ZNF804B: variants seen among roughly 807,000 people sequenced by gnomAD.
ZNF804B encodes zinc finger 804B.
ZNF804B carries 80 observed loss-of-function variants against 101.4 expected under a neutral mutation model. That is an observed-to-expected ratio of 0.79 (90% CI 0.66 to 0.95). The LOEUF (loss-of-function observed/expected upper bound fraction) is 0.95, where lower values mean the gene tolerates loss of function less well. Ranked by LOEUF, ZNF804B falls within the 40% of genes least tolerant of loss-of-function variation. The pLI, the probability that ZNF804B is intolerant of heterozygous loss-of-function variation, is 0.00. For missense variants in ZNF804B, 1,673 were observed against 1,561.9 expected, an observed-to-expected ratio of 1.07 and a Z score of -1.20; for synonymous variants, 622 against 558.8, an observed-to-expected ratio of 1.11 and a Z score of -1.59.
chr7:89,280,236 A>G (rs1461062737), intron 2 of ZNF804B, among the ~76,000 whole-genome samples: 6 of 152,038 alleles, frequency 3.9e-5, no homozygotes, highest in Non-Finnish European at 7.4e-5. Flanking sequence ...ACATACCAGA[A>G]TCTCTGGGAC....
At chr7:89,228,365 C>T (rs528154094) in intron 2 of ZNF804B, among the ~76,000 whole-genome samples, 1 of 152,130 alleles carries the variant, frequency 6.6e-6, no homozygotes, top group Non-Finnish European at 1.5e-5. Context: ...CTGGCCCCAC[C>T]CACATCCTGC....
rs771869522 is a variant in ZNF804B, at chr7:88,760,010, C to T, written c.34C>T (p.Leu12Phe). 1.9e-6 allele frequency: 3 copies of T among 1,614,232 alleles called. No individual in the cohort carries two copies. Among genetic ancestry groups the T allele is most frequent in the South Asian group, 1.1e-5 (1 of 91,082 alleles). Reference sequence around the variant, plus strand: ...TTACCTGGTCATCAGTTCGAGACATCTCAGCAATGGGCACTACCGGGGCAT... The same window carrying T: ...TTACCTGGTCATCAGTTCGAGACATTTCAGCAATGGGCACTACCGGGGCAT... ...ACYLVISSRH[L>F]SNGHYRGIKG... Residue 12 changes from leucine (L) to phenylalanine (F), a missense_variant, in exon 1 of 4, where the codon CTC becomes TTC. Transcript: ENST00000333190.
chr7:89,245,482 CCAGT>C (rs1360295075), intron 2 of ZNF804B, among the ~76,000 whole-genome samples: 2 of 151,762 alleles, frequency 1.3e-5, no homozygotes, highest in Non-Finnish European at 2.9e-5. Context: ...TTTCAAGTGG[CCAGT>C]ATTTGAACAC....
chr7:88,989,017 TTTA>T (rs564613960), intron 1 of ZNF804B, among the ~76,000 whole-genome samples: 8 of 151,420 alleles, frequency 5.3e-5, no homozygotes, highest in Admixed American at 2.6e-4. Context: ...CAGGGTTTTA[TTTA>T]TTATTATTAT....
rs1027361337 is a variant in ZNF804B, at chr7:88,972,557, C to A, written c.108+212473C>A. On this transcript the variant is annotated intron_variant, in intron 1 of 3. Coordinates refer to ENST00000333190, the MANE Select transcript of ZNF804B (RefSeq NM_181646.5). ...TAGGATTGTGATAGAAAAAAAGTCC[C>A]CTGTTAATTATCAGTTTTTCATAAA... Among the ~76,000 whole-genome samples, 5 of 151,088 alleles carry A rather than the reference C, an allele frequency of 3.3e-5. No individual in the cohort carries two copies. In the Admixed American group the frequency reaches 3.3e-4, roughly 10 times the overall value.
intron 1 of ZNF804B, among the ~76,000 whole-genome samples, chr7:88,809,298 G>T (rs1335802311): frequency 6.6e-6 from 1 of 150,780 alleles, no homozygotes; most frequent in African/African-American, 2.4e-5. Context: ...ATCTATTATT[G>T]CTTGTCATCT....
intron 1 of ZNF804B, among the ~76,000 whole-genome samples, chr7:89,011,285 C>A (rs992953495): frequency 6.6e-6 from 1 of 152,112 alleles, no homozygotes; most frequent in African/African-American, 2.4e-5. Flanking sequence ...ACATGGGAAT[C>A]ATTACAATTC....
intron 1 of ZNF804B, among the ~76,000 whole-genome samples, chr7:89,208,843 T>C (rs1193611437): frequency 6.6e-6 from 1 of 151,478 alleles, no homozygotes; most frequent in African/African-American, 2.4e-5. Flanking sequence ...AAACCCCGTC[T>C]GTACTGAAAA....
intron 1 of ZNF804B, among the ~76,000 whole-genome samples, chr7:88,864,893 A>G (rs1791702283): frequency 6.6e-6 from 1 of 152,180 alleles, no homozygotes; most frequent in South Asian, 2.1e-4. Context: ...TAAAATCTGC[A>G]AACTTGATTT....
intron 1 of ZNF804B, among the ~76,000 whole-genome samples, chr7:89,215,658 C>T (rs942369944): frequency 1.9e-4 from 28 of 151,272 alleles, no homozygotes; most frequent in Admixed American, 4.0e-4. Context: ...CCGAGGCGGG[C>T]GCATCACGAG....
chr7:89,202,319 C>G (rs935782814), intron 1 of ZNF804B, among the ~76,000 whole-genome samples: 1 of 152,036 alleles, frequency 6.6e-6, no homozygotes, highest in Non-Finnish European at 1.5e-5. Context: ...GTTTTTAGAA[C>G]TGGCTAAGTT....
intron 2 of ZNF804B, among the ~76,000 whole-genome samples, chr7:89,253,054 A>G (rs966951156): frequency 2.2e-4 from 33 of 152,292 alleles, no homozygotes; most frequent in African/African-American, 7.2e-4. Context: ...AAAAGTTAAC[A>G]TAAATAAGGA....
chr7:88,904,548 G>A (rs1174527984), intron 1 of ZNF804B, among the ~76,000 whole-genome samples: 1 of 152,008 alleles, frequency 6.6e-6, no homozygotes, highest in African/African-American at 2.4e-5. Context: ...GGGTAGTATG[G>A]CAATTTTAAT....
At chr7:89,093,573 T>C (rs1789926178) in intron 1 of ZNF804B, among the ~76,000 whole-genome samples, 1 of 152,252 alleles carries the variant, frequency 6.6e-6, no homozygotes, top group Admixed American at 6.5e-5. Flanking sequence ...ATAGTTCTGT[T>C]ACCCTAAAAA....
chr7:88,864,184 T>A (rs1014883829), intron 1 of ZNF804B, among the ~76,000 whole-genome samples: 1 of 152,220 alleles, frequency 6.6e-6, no homozygotes, highest in Non-Finnish European at 1.5e-5. Context: ...CTCTCACTTC[T>A]AACAATGTCT....
At chr7:89,322,265 CT>C in intron 2 of ZNF804B, among the ~76,000 whole-genome samples, 1 of 152,230 alleles carries the variant, frequency 6.6e-6, no homozygotes, top group Middle Eastern at 3.4e-3. Context: ...ATATTTTCTG[CT>C]TTCAAGTGCA....
intron 1 of ZNF804B, among the ~76,000 whole-genome samples, chr7:89,156,054 T>TTCTC (rs1199842894): frequency 2.7e-5 from 2 of 74,790 alleles, no homozygotes; most frequent in African/African-American, 9.3e-5. Flanking sequence ...CTTTCTTTCT[T>TTCTC]TCTTTCTTTC....
intron 1 of ZNF804B, among the ~76,000 whole-genome samples, chr7:89,071,897 A>G (rs1789547696): frequency 6.6e-6 from 1 of 152,082 alleles, no homozygotes. Flanking sequence ...TTACTTCTAT[A>G]AGTTTTCTTA....
At chr7:89,115,672 G>T (rs1211977952) in intron 1 of ZNF804B, among the ~76,000 whole-genome samples, 2 of 152,116 alleles carry the variant, frequency 1.3e-5, no homozygotes, top group African/African-American at 2.4e-5. Flanking sequence ...ACTTCACCTT[G>T]AAAACTGCTC....
Sources: allele counts gnomAD v4.1 joint callset (sites outside exome capture counted in the v4.1 genomes callset), GRCh38; gene constraint gnomAD v4.1.1; transcripts MANE v1.5; gene names NCBI Gene and HGNC (gene_info 2026-07-23, HGNC 2026-07-21).